Variants in RSPH9 observed in about 807,000 individuals in gnomAD.
The protein encoded by RSPH9 is radial spoke head protein 9 homolog.
Under a neutral mutation model 27.0 loss-of-function variants are expected in RSPH9, and 27 were observed. The observed-to-expected ratio is 1.00, with a 90% CI of 0.74 to 1.38. The LOEUF is 1.38. Among genes scored for constraint, RSPH9 ranks in the 40% most tolerant of loss-of-function variants. RSPH9 has a pLI of 0.00. For missense variants in RSPH9, 347 were observed against 357.4 expected (o/e 0.97, Z 0.24); for synonymous variants, 145 against 147.7 (o/e 0.98, Z 0.13).
intron 2 of RSPH9, among the ~76,000 whole-genome samples, chr6:43,653,531 G>T (rs1338979179): frequency 6.6e-6 from 1 of 151,496 alleles, no homozygotes; most frequent in Non-Finnish European, 1.5e-5. Context: ...AAATAGACTT[G>T]CTAAGTTAAC....
chr6:43,649,765 C>A (rs964907823), intron 1 of RSPH9, among the ~76,000 whole-genome samples: 1 of 151,790 alleles, frequency 6.6e-6, no homozygotes, highest in Non-Finnish European at 1.5e-5. Context: ...TAGGGCCCAC[C>A]AAAACATGGA....
chr6:43,661,538 G>A (rs749030728), intron 4 of RSPH9, among the ~76,000 whole-genome samples: 13 of 151,832 alleles, frequency 8.6e-5, no homozygotes, highest in East Asian at 5.8e-4. Context: ...GCCTGCACCT[G>A]TAATCCCAGC....
rs548367512 is a variant in RSPH9 at position 43,671,237 on chromosome 6, C to T, written c.*288C>T. 3.3e-5 allele frequency: 18 copies of T among 539,932 alleles called. No individual in the cohort carries two copies. Among genetic ancestry groups the T allele is most frequent in the Admixed American group, 6.3e-5 (2 of 31,836 alleles). The allele number at this position is 539,932 out of a possible 1,614,324, so 33.4% of individuals were successfully genotyped here. A position where few individuals can be genotyped will look rare whatever the true frequency, so the allele number is the denominator to read the frequency against. ...GCAGTTTCTTGGATTCACACGAGAGCGGCAAGTGTGTCAGGCAGCCCACCT... is the reference window on the plus strand; with the variant it reads ...GCAGTTTCTTGGATTCACACGAGAGTGGCAAGTGTGTCAGGCAGCCCACCT... On this transcript the variant is annotated 3_prime_UTR_variant, in exon 5 of 5. Coordinates refer to ENST00000372163, the MANE Select transcript of RSPH9 (RefSeq NM_152732.5).
intron 2 of RSPH9, 45 bp downstream of exon 2, chr6:43,650,585 GGCT>G: frequency 6.2e-7 from 1 of 1,608,262 alleles, no homozygotes; most frequent in Non-Finnish European, 8.5e-7. Context: ...AGAGAGCCTG[GGCT>G]CATCCAAAAC....
chr6:43,662,628 A>G (rs1458969052), intron 4 of RSPH9, among the ~76,000 whole-genome samples: 1 of 151,830 alleles, frequency 6.6e-6, no homozygotes, highest in Non-Finnish European at 1.5e-5. Context: ...CGGCCTCCCA[A>G]AGCGCTGGGA....
intron 1 of RSPH9, among the ~76,000 whole-genome samples, chr6:43,645,676 A>C (rs1326337340): frequency 6.6e-6 from 1 of 152,216 alleles, no homozygotes; most frequent in Non-Finnish European, 1.5e-5. Flanking sequence ...TTTATAAGAG[A>C]GACAGGGCCA....
At chr6:43,670,716 G>A in intron 4 of RSPH9, 73 bp from the exon 5 acceptor site, 1 of 1,442,560 alleles carries the variant, frequency 6.9e-7, no homozygotes, top group Non-Finnish European at 9.7e-7. Context: ...CAAGGAGCCA[G>A]GGGCCACAGC....
In RSPH9 at chr6:43,655,613, A is replaced by G; in HGVS notation, c.445A>G (p.Lys149Glu). The stretch of plus-strand genomic sequence containing the variant: ...GGTGTCTGTCATTGACCAGATTGAC[A>G]AGGCTGTGGCCATCATCCCCCGAGG... ...RLVSVIDQID[K>E]AVAIIPRGAL... Residue 149 changes from lysine to glutamate, a missense_variant, in exon 3 of 5, where the codon AAG becomes GAG. By Grantham distance (56) the Lys-to-Glu change is moderately conservative. Coordinates refer to ENST00000372163, the MANE Select transcript of RSPH9 (RefSeq NM_152732.5). The G allele has an allele frequency of 1.2e-6, 2 of 1,614,190 alleles. No homozygotes were observed. Among genetic ancestry groups the G allele is most frequent in the South Asian group, 1.1e-5 (1 of 91,086 alleles).
chr6:43,656,913 A>C (rs1340555447), intron 4 of RSPH9, among the ~76,000 whole-genome samples, 190 bp downstream of exon 4: 2 of 152,188 alleles, frequency 1.3e-5, no homozygotes, highest in African/African-American at 4.8e-5. Flanking sequence ...TCCTTGAATT[A>C]CAAAAGGTAG....
At chr6:43,660,609 G>A (rs6902085) in intron 4 of RSPH9, among the ~76,000 whole-genome samples, 2 of 151,748 alleles carry the variant, frequency 1.3e-5, no homozygotes, top group African/African-American at 2.4e-5. Context: ...GACTACAGGC[G>A]CCCATCACCA....
Position 43,671,655 on chromosome 6 carries a change from C to T in RSPH9, c.*706C>T. 7.4e-7 allele frequency: 1 copy of T among 1,342,526 alleles called. No individual in the cohort carries two copies. The highest frequency in any genetic ancestry group is 1.1e-6 in the Non-Finnish European group (1 of 948,910). The allele number at this position is 1,342,526 out of a possible 1,614,324, so 83.2% of individuals were successfully genotyped here. A position where few individuals can be genotyped will look rare whatever the true frequency, so the allele number is the denominator to read the frequency against. ...TCCATGCATGTTGGAGGGACCAGGCCATCGTGGTGGGGTGGGACAGGAGTA... is the reference window on the plus strand; with the variant it reads ...TCCATGCATGTTGGAGGGACCAGGCTATCGTGGTGGGGTGGGACAGGAGTA... On this transcript the variant is annotated 3_prime_UTR_variant, in exon 5 of 5. Coordinates refer to ENST00000372163, the MANE Select transcript of RSPH9 (RefSeq NM_152732.5).
intron 4 of RSPH9, among the ~76,000 whole-genome samples, chr6:43,669,630 A>C (rs1427702313): frequency 6.6e-6 from 1 of 152,214 alleles, no homozygotes; most frequent in African/African-American, 2.4e-5. Context: ...AAAACTTTCA[A>C]AGCATTTGCC....
intron 4 of RSPH9, among the ~76,000 whole-genome samples, chr6:43,663,458 A>T (rs557200025): frequency 4.6e-5 from 7 of 152,112 alleles, no homozygotes; most frequent in Admixed American, 4.6e-4. Flanking sequence ...ACCTCAGATG[A>T]TCCACCTCCC....
At chr6:43,656,549 C>A (rs769379741) in intron 3 of RSPH9, 28 bp from the exon 4 acceptor site, 39 of 1,613,916 alleles carry the variant, frequency 2.4e-5, no homozygotes, top group Non-Finnish European at 3.1e-5. Flanking sequence ...GGCTAACCAT[C>A]ATTTTCCTGC....
chr6:43,668,313 G>A (rs1582399743), intron 4 of RSPH9, among the ~76,000 whole-genome samples: 6 of 152,002 alleles, frequency 3.9e-5, no homozygotes, highest in Admixed American at 1.3e-4. Flanking sequence ...TGTGTTTCCC[G>A]GGCGACCAGC....
chr6:43,658,312 A>AAAAAAAAAAAAAAAAAAAAAG (rs1772251832), intron 4 of RSPH9, among the ~76,000 whole-genome samples: 1 of 133,788 alleles, frequency 7.5e-6, no homozygotes, highest in East Asian at 2.5e-4. Flanking sequence ...AAAAAAAAAG[A>AAAAAAAAAAAAAAAAAAAAAG]AAAAAAAAAA....
chr6:43,671,100 T>A lies in RSPH9; in HGVS notation c.*151T>A. 1 of 913,078 alleles carries A rather than the reference T, an allele frequency of 1.1e-6. No individual in the cohort carries two copies. The highest frequency in any genetic ancestry group is 1.6e-5 in the South Asian group (1 of 63,186). 56.6% of individuals were successfully genotyped at this position (913,078 alleles called of 1,614,324 possible). On this transcript the variant is annotated 3_prime_UTR_variant, in exon 5 of 5. Transcript: ENST00000372163. The stretch of plus-strand genomic sequence containing the variant: ...AAGGCCCACTGAGCCAGGGAGCTCA[T>A]TTCTAAACCAAGTGGCAGAGGGGTT...
At chr6:43,648,236 T>C (rs1404781119) in intron 1 of RSPH9, among the ~76,000 whole-genome samples, 2 of 150,312 alleles carry the variant, frequency 1.3e-5, no homozygotes, top group Admixed American at 1.3e-4. Context: ...ACCATTGCAC[T>C]CCAGCCTGGG....
At chr6:43,668,317 G>A (rs1312983995) in intron 4 of RSPH9, among the ~76,000 whole-genome samples, 3 of 152,014 alleles carry the variant, frequency 2.0e-5, no homozygotes, top group African/African-American at 4.8e-5. Context: ...TTTCCCGGGC[G>A]ACCAGCTGAG....
Sources: gnomAD v4.1 joint callset for allele counts (sites outside exome capture counted in the v4.1 genomes callset) on GRCh38, gnomAD v4.1.1 for gene constraint, MANE v1.5 for transcripts, NCBI Gene and HGNC (gene_info 2026-07-23, HGNC 2026-07-21) for gene names.